Variants in PDE4D observed in about 807,000 individuals in gnomAD.
The protein encoded by PDE4D is phosphodiesterase 4D.
PDE4D carries 24 observed loss-of-function variants against 87.4 expected under a neutral mutation model. The observed-to-expected ratio is 0.27, with a 90% CI of 0.20 to 0.39. The LOEUF is 0.39. PDE4D is among the 10% of genes least tolerant of loss of function. The pLI is 1.00. For missense variants in PDE4D, 714 were observed against 1,041.0 expected (o/e 0.69, Z 4.32); for synonymous variants, 384 against 383.2 (o/e 1.00, Z -0.02).
exon 2 of PDE4D, chr5:60,185,578 A>G (rs1027192729): frequency 5.2e-6 from 8 of 1,530,620 alleles, no homozygotes; most frequent in African/African-American, 1.4e-5. Context: ...GAGAAAGCAA[A>G]TCACAGGTAT....
intron 1 of PDE4D, among the ~76,000 whole-genome samples, chr5:59,286,705 C>T (rs780101815): frequency 2.0e-5 from 3 of 152,110 alleles, no homozygotes; most frequent in Non-Finnish European, 4.4e-5. Flanking sequence ...AGCAATGACT[C>T]CTCATTCTGC....
intron 1 of PDE4D, among the ~76,000 whole-genome samples, chr5:60,358,290 C>T (rs1759781501): frequency 6.6e-6 from 1 of 152,126 alleles, no homozygotes; most frequent in East Asian, 1.9e-4. Context: ...CTGCTGATTC[C>T]CAGGGAATGA....
intron 2 of PDE4D, among the ~76,000 whole-genome samples, chr5:60,121,223 T>C (rs1778645404): frequency 6.6e-6 from 1 of 151,758 alleles, no homozygotes; most frequent in Non-Finnish European, 1.5e-5. Flanking sequence ...CTCCTATTAG[T>C]TTTGTCCCTC....
intron 2 of PDE4D, among the ~76,000 whole-genome samples, chr5:60,014,223 G>A (rs1356964746): frequency 6.6e-6 from 1 of 151,882 alleles, no homozygotes; most frequent in Non-Finnish European, 1.5e-5. Context: ...AACTTTCTTG[G>A]ACCATCCAGC....
rs1766677818 is a variant in PDE4D, at chr5:59,797,944, G to T, written c.455+95224C>A. On this transcript the variant is annotated intron_variant, in intron 1 of 14. Coordinates refer to ENST00000340635, the MANE Select transcript of PDE4D (RefSeq NM_001104631.2). Reference sequence around the variant, plus strand: ...TATATGGAATTTCTAGGTCAAATAGGAGCAGAAGGCTGGGGGTATGGGGGC... The same window carrying T: ...TATATGGAATTTCTAGGTCAAATAGTAGCAGAAGGCTGGGGGTATGGGGGC... Among the ~76,000 whole-genome samples the T allele has an allele frequency of 2.0e-5, 3 of 152,180 alleles. 1 individual carries two copies. In the South Asian group the frequency reaches 6.2e-4, roughly 32 times the overall value.
intron 1 of PDE4D, among the ~76,000 whole-genome samples, chr5:60,189,013 T>A (rs1172104443): frequency 6.6e-6 from 1 of 152,184 alleles, no homozygotes; most frequent in East Asian, 1.9e-4. Flanking sequence ...TCCTGCAAGT[T>A]TCTCTCTCAG....
chr5:59,076,061 A>C (rs187058898), intron 5 of PDE4D, among the ~76,000 whole-genome samples: 1 of 152,322 alleles, frequency 6.6e-6, no homozygotes, highest in East Asian at 1.9e-4. Context: ...AACCAGAAGG[A>C]AGGCTAAAGA....
At chr5:59,504,540 TCATA>T (rs1435610096) in intron 1 of PDE4D, among the ~76,000 whole-genome samples, 4 of 152,204 alleles carry the variant, frequency 2.6e-5, no homozygotes, top group Non-Finnish European at 5.9e-5. Context: ...ATTTCTGTTC[TCATA>T]CAATTTAATT....
At chr5:59,827,116 CCT>C (rs1177939318) in intron 1 of PDE4D, among the ~76,000 whole-genome samples, 1 of 151,816 alleles carries the variant, frequency 6.6e-6, no homozygotes, top group East Asian at 1.9e-4. Context: ...ATTTTGATTG[CCT>C]CTATAGTCAT....
chr5:60,476,037 T>TAAATCC (rs1748292451), intron 1 of PDE4D, among the ~76,000 whole-genome samples: 2 of 152,176 alleles, frequency 1.3e-5, no homozygotes, highest in Non-Finnish European at 2.9e-5. Flanking sequence ...CAGCATGTTC[T>TAAATCC]AAATCCAATC....
chr5:59,778,783 T>C (rs1764323570), intron 1 of PDE4D, among the ~76,000 whole-genome samples: 1 of 152,228 alleles, frequency 6.6e-6, no homozygotes, highest in Admixed American at 6.5e-5. Flanking sequence ...CTATTTTTTA[T>C]GCTTTTAGAT....
At chr5:60,318,859 T>G (rs901893365) in intron 1 of PDE4D, among the ~76,000 whole-genome samples, 1 of 152,214 alleles carries the variant, frequency 6.6e-6, no homozygotes, top group African/African-American at 2.4e-5. Context: ...GATCTGCTGT[T>G]AGTCTGATGG....
At chr5:60,188,749 T>C (rs746746658) in intron 1 of PDE4D, among the ~76,000 whole-genome samples, 11 of 152,214 alleles carry the variant, frequency 7.2e-5, no homozygotes, top group African/African-American at 2.4e-4. Flanking sequence ...TGTTTTCCCA[T>C]GGCACAAACG....
chr5:59,689,458 A>G (rs1215181672), intron 1 of PDE4D, among the ~76,000 whole-genome samples: 1 of 152,232 alleles, frequency 6.6e-6, no homozygotes, highest in Non-Finnish European at 1.5e-5. Flanking sequence ...AAACAGAACC[A>G]AAGACAAAAG....
chr5:59,264,986 G>C (rs1343884225), intron 1 of PDE4D, among the ~76,000 whole-genome samples: 1 of 151,866 alleles, frequency 6.6e-6, no homozygotes, highest in Non-Finnish European at 1.5e-5. Context: ...TTCTCAGTCT[G>C]GTCTGATAGA....
At chr5:60,019,638 C>T (rs560993525) in intron 2 of PDE4D, among the ~76,000 whole-genome samples, 91 of 152,320 alleles carry the variant, frequency 6.0e-4, no homozygotes, top group Non-Finnish European at 6.9e-4. Flanking sequence ...TAGCATCTGA[C>T]TTTTCTCCTT....
intron 2 of PDE4D, among the ~76,000 whole-genome samples, chr5:59,209,458 T>A (rs1749597120): frequency 6.6e-6 from 1 of 152,176 alleles, no homozygotes; most frequent in Non-Finnish European, 1.5e-5. Context: ...ATTGCCAGGA[T>A]TACAGATGTG....
At chr5:59,179,149 C>T (rs917129222) in intron 5 of PDE4D, among the ~76,000 whole-genome samples, 3 of 152,272 alleles carry the variant, frequency 2.0e-5, no homozygotes, top group East Asian at 1.9e-4. Context: ...CTCTGTTGCC[C>T]AGGCTGGAGT....
chr5:59,145,829 T>C (rs1344133078), intron 5 of PDE4D, among the ~76,000 whole-genome samples: 2 of 152,250 alleles, frequency 1.3e-5, no homozygotes, highest in East Asian at 3.9e-4. Context: ...TCAATAGGTT[T>C]AAAAACCCAA....
Sources: allele counts gnomAD v4.1 joint callset (sites outside exome capture counted in the v4.1 genomes callset), GRCh38; gene constraint gnomAD v4.1.1; transcripts MANE v1.5; gene names NCBI Gene and HGNC (gene_info 2026-07-23, HGNC 2026-07-21).